Variants in SLC14A2 observed in about 807,000 individuals in gnomAD.
SLC14A2 encodes urea transporter 2.
In SLC14A2, 91 loss-of-function variants were observed where a neutral mutation model predicts 104.6. The ratio of observed to expected loss-of-function variants is 0.87; its 90% CI spans 0.73 to 1.04. SLC14A2 has a LOEUF of 1.04. SLC14A2 is among the 50% of genes least tolerant of loss of function. The pLI is 0.00. For synonymous variants in SLC14A2, 476 were observed against 466.4 expected, an observed-to-expected ratio of 1.02 and a Z score of -0.27; for missense variants, 1,189 against 1,156.0, an observed-to-expected ratio of 1.03 and a Z score of -0.41.
the SLC14A2 span, among the ~76,000 whole-genome samples, chr18:45,191,067 G>A: frequency 6.6e-6 from 1 of 152,082 alleles, no homozygotes; most frequent in Admixed American, 6.6e-5. Flanking sequence ...AGCTCCCATG[G>A]TGTCCCAGCT....
At chr18:45,304,412 C>A (rs1041505497) in intron 1 of SLC14A2, among the ~76,000 whole-genome samples, 1 of 152,124 alleles carries the variant, frequency 6.6e-6, no homozygotes, top group Non-Finnish European at 1.5e-5. Context: ...GCCAGCAATG[C>A]GGTTTTGTTT....
chr18:45,384,212 AG>A (rs2085869350), intron 1 of SLC14A2, among the ~76,000 whole-genome samples: 2 of 152,108 alleles, frequency 1.3e-5, no homozygotes, highest in South Asian at 2.1e-4. Context: ...CATTAAAAGG[AG>A]GAGTGAGAAC....
At chr18:45,363,331 A>G (rs1364737022) in intron 1 of SLC14A2, among the ~76,000 whole-genome samples, 3 of 152,088 alleles carry the variant, frequency 2.0e-5, no homozygotes, top group Non-Finnish European at 2.9e-5. Flanking sequence ...ATTTCTAATA[A>G]TTGTATCTAT....
chr18:45,633,288 A>G (rs2045372984), intron 5 of SLC14A2, among the ~76,000 whole-genome samples: 1 of 152,252 alleles, frequency 6.6e-6, no homozygotes, highest in African/African-American at 2.4e-5. Flanking sequence ...CTATTATGTG[A>G]CGTAACCAAG....
chr18:45,670,043 G>A (rs369739047), intron 16 of SLC14A2, among the ~76,000 whole-genome samples: 5 of 152,244 alleles, frequency 3.3e-5, no homozygotes, highest in East Asian at 1.9e-4. Flanking sequence ...TGGGAGGATC[G>A]CTTGAGCCCA....
intron 1 of SLC14A2, among the ~76,000 whole-genome samples, chr18:45,243,754 T>G (rs1440413918): frequency 1.3e-5 from 2 of 152,192 alleles, no homozygotes; most frequent in Non-Finnish European, 2.9e-5. Flanking sequence ...GCTGAGAGAC[T>G]GGGTGTCATA....
rs16978351 is a variant in SLC14A2 at position 45,360,765 on chromosome 18, A to T, written c.-124-122468A>T. Among the ~76,000 whole-genome samples, 458 of 152,362 alleles carry T rather than the reference A, an allele frequency of 3.0e-3. 5 individuals are homozygous for T. The highest frequency in any genetic ancestry group is 0.011 in the African/African-American group (440 of 41,576). ...TTATCTTTTAGAAGCCAACAATTTTAAAAATATGCTACAGAGAGAAAGGGC... is the reference window on the plus strand; with the variant it reads ...TTATCTTTTAGAAGCCAACAATTTTTAAAATATGCTACAGAGAGAAAGGGC... On this transcript the variant is annotated intron_variant, in intron 1 of 20. Coordinates refer to the SLC14A2 transcript ENST00000586448.
At position 45,285,565 on chromosome 18, in the gene SLC14A2, G is replaced by A. The variant is rs558995848; in HGVS notation, c.-125+72374G>A. Among the ~76,000 whole-genome samples the A allele has an allele frequency of 4.6e-5, 7 of 152,068 alleles. No homozygotes were observed. In the East Asian group the frequency reaches 9.7e-4, roughly 21 times the overall value. ...TCCGAGTAGCTGGGATTACAGGCAC[G>A]CGTCACCACACTCAGCTTATTTTTG... On this transcript the variant is annotated intron_variant, in intron 1 of 20. Coordinates refer to the SLC14A2 transcript ENST00000586448.
intron 1 of SLC14A2, among the ~76,000 whole-genome samples, chr18:45,271,277 G>A (rs1380750571): frequency 1.3e-5 from 2 of 152,130 alleles, no homozygotes; most frequent in Admixed American, 1.3e-4. Context: ...TAGTGGCTGG[G>A]CCAGTCCAGT....
the SLC14A2 span, among the ~76,000 whole-genome samples, chr18:45,194,307 C>A: frequency 1.3e-5 from 2 of 152,096 alleles, no homozygotes; most frequent in South Asian, 4.1e-4. Flanking sequence ...AATCTTTTAC[C>A]AGTAGTTAAG....
intron 1 of SLC14A2, among the ~76,000 whole-genome samples, chr18:45,413,950 C>T (rs536248800): frequency 1.6e-4 from 24 of 150,584 alleles, no homozygotes; most frequent in Non-Finnish European, 2.8e-4. Flanking sequence ...ACTAATAGAG[C>T]GTAAAAAAAA....
intron 1 of SLC14A2, among the ~76,000 whole-genome samples, chr18:45,384,510 G>T (rs1248401762): frequency 6.6e-6 from 1 of 152,122 alleles, no homozygotes; most frequent in Non-Finnish European, 1.5e-5. Flanking sequence ...GGGCTGCAGG[G>T]GACACCCCTG....
intron 1 of SLC14A2, among the ~76,000 whole-genome samples, chr18:45,238,569 GA>G (rs111923706): frequency 6.6e-6 from 1 of 152,004 alleles, no homozygotes; most frequent in Non-Finnish European, 1.5e-5. Context: ...ATTTAATGGG[GA>G]AAAAAATCTT....
At chr18:45,423,715 C>T (rs1456342994) in intron 1 of SLC14A2, 1 of 152,164 alleles carries the variant, frequency 6.6e-6, no homozygotes, top group East Asian at 1.9e-4. Flanking sequence ...ATAAATATGA[C>T]ATCCAGCATA....
intron 10 of SLC14A2, among the ~76,000 whole-genome samples, chr18:45,650,926 A>C (rs1479961963): frequency 6.6e-6 from 1 of 151,514 alleles, no homozygotes; most frequent in Non-Finnish European, 1.5e-5. Context: ...TTTAGCAAAG[A>C]TGGGGTTTCA....
chr18:45,439,219 C>T (rs1013219872), intron 1 of SLC14A2, among the ~76,000 whole-genome samples: 1 of 152,112 alleles, frequency 6.6e-6, no homozygotes, highest in African/African-American at 2.4e-5. Context: ...TTTGAGGTTA[C>T]AGTGAACTAT....
At chr18:45,300,216 G>A (rs1329585503) in intron 1 of SLC14A2, among the ~76,000 whole-genome samples, 1 of 152,160 alleles carries the variant, frequency 6.6e-6, no homozygotes, top group Non-Finnish European at 1.5e-5. Flanking sequence ...CCCTCTCTGA[G>A]GGGCTGCAGG....
chr18:45,194,513 A>T, the SLC14A2 span, among the ~76,000 whole-genome samples: 3 of 152,090 alleles, frequency 2.0e-5, no homozygotes, highest in South Asian at 6.2e-4. Context: ...TTCCAGTGTT[A>T]ATTTAAGCTT....
At chr18:45,592,177 G>A (rs1486687462) in intron 2 of SLC14A2, among the ~76,000 whole-genome samples, 1 of 152,190 alleles carries the variant, frequency 6.6e-6, no homozygotes, top group African/African-American at 2.4e-5. Context: ...TTCTTGCTGG[G>A]AGAATTAGGG....
Sources: gnomAD v4.1 joint callset for allele counts (sites outside exome capture counted in the v4.1 genomes callset) on GRCh38, gnomAD v4.1.1 for gene constraint, MANE v1.5 for transcripts, NCBI Gene and HGNC (gene_info 2026-07-23, HGNC 2026-07-21) for gene names.